Variants in LOC128462377 observed in about 807,000 individuals in gnomAD.
chr16:89,334,144 T>TAAAAAAAAAAAAA, the LOC128462377 span, among the ~76,000 whole-genome samples: 18 of 41,410 alleles, frequency 4.3e-4, 4 homozygotes, highest in African/African-American at 1.6e-3. Context: ...CCCTGTGTTT[T>TAAAAAAAAAAAAA]AAAAAAAAAA....
the LOC128462377 span, among the ~76,000 whole-genome samples, chr16:89,394,729 G>C: frequency 4.6e-5 from 7 of 152,026 alleles, no homozygotes; most frequent in African/African-American, 1.7e-4. Flanking sequence ...TACAGGAGTC[G>C]TGTTTTATGA....
the LOC128462377 span, among the ~76,000 whole-genome samples, chr16:89,395,531 T>C: frequency 6.6e-6 from 1 of 152,204 alleles, no homozygotes; most frequent in Non-Finnish European, 1.5e-5. Flanking sequence ...GAACCGAATC[T>C]TACTTGTCCA....
chr16:89,323,251 A>G, the LOC128462377 span: 7 of 1,247,082 alleles, frequency 5.6e-6, no homozygotes, highest in Non-Finnish European at 7.4e-6. Context: ...AAAAGGAAAA[A>G]GAGCTGCATA....
At chr16:89,345,435 C>CGTCCATTCCTCT in the LOC128462377 span, among the ~76,000 whole-genome samples, 1 of 152,172 alleles carries the variant, frequency 6.6e-6, no homozygotes, top group African/African-American at 2.4e-5. Context: ...GAGGCAGTCC[C>CGTCCATTCCTCT]GTCCATTCCT....
the LOC128462377 span, chr16:89,329,102 C>T: frequency 6.5e-6 from 1 of 153,008 alleles, no homozygotes; most frequent in Admixed American, 6.5e-5. Flanking sequence ...CAAAGCCCAC[C>T]TCTTAGGTCA....
chr16:89,408,310 C>T, the LOC128462377 span, among the ~76,000 whole-genome samples: 1 of 152,378 alleles, frequency 6.6e-6, no homozygotes, highest in East Asian at 1.9e-4. Flanking sequence ...TGGGCTACCA[C>T]AGACATGGTG....
At chr16:89,334,971 T>C in the LOC128462377 span, among the ~76,000 whole-genome samples, 1 of 150,466 alleles carries the variant, frequency 6.6e-6, no homozygotes, top group Non-Finnish European at 1.5e-5. Flanking sequence ...GGAGGGGAGG[T>C]CCAGGAGGAG....
the LOC128462377 span, among the ~76,000 whole-genome samples, chr16:89,368,113 G>A: frequency 1.6e-4 from 24 of 152,122 alleles, no homozygotes; most frequent in African/African-American, 5.5e-4. Flanking sequence ...TGCTCACTAC[G>A]CTACTCATTG....
chr16:89,416,616 A>G, the LOC128462377 span, among the ~76,000 whole-genome samples: 2 of 151,052 alleles, frequency 1.3e-5, no homozygotes, highest in Non-Finnish European at 3.0e-5. Context: ...CTGATTAATA[A>G]TTTTATTTTT....
chr16:89,397,466 C>G, the LOC128462377 span, among the ~76,000 whole-genome samples: 1 of 152,264 alleles, frequency 6.6e-6, no homozygotes. Flanking sequence ...GGGGGACCCA[C>G]AGGAAGCAGG....
chr16:89,362,897 G>A, the LOC128462377 span, among the ~76,000 whole-genome samples: 22 of 152,074 alleles, frequency 1.4e-4, no homozygotes, highest in Admixed American at 5.9e-4. Flanking sequence ...CTAGCCAATC[G>A]GGACAAATAC....
chr16:89,319,154 T>C, the LOC128462377 span, among the ~76,000 whole-genome samples: 4 of 152,210 alleles, frequency 2.6e-5, no homozygotes, highest in Admixed American at 6.6e-5. Context: ...TCCACCGTCC[T>C]GATCCCAGAT....
chr16:89,338,403 T>C, the LOC128462377 span, among the ~76,000 whole-genome samples: 9 of 145,228 alleles, frequency 6.2e-5, no homozygotes, highest in African/African-American at 2.3e-4. Flanking sequence ...GTGGAAATCC[T>C]GTACTTAACA....
At chr16:89,417,019 C>A in the LOC128462377 span, among the ~76,000 whole-genome samples, 1 of 152,156 alleles carries the variant, frequency 6.6e-6, no homozygotes, top group African/African-American at 2.4e-5. Context: ...ACTACCCAGG[C>A]TGGCTTCATT....
At chr16:89,335,348 T>C in the LOC128462377 span, among the ~76,000 whole-genome samples, 1 of 152,092 alleles carries the variant, frequency 6.6e-6, no homozygotes, top group Admixed American at 6.5e-5. Context: ...CAGGAACAAA[T>C]CCACACCGAG....
At chr16:89,346,855 G>A in the LOC128462377 span, among the ~76,000 whole-genome samples, 1 of 152,232 alleles carries the variant, frequency 6.6e-6, no homozygotes, top group South Asian at 2.1e-4. Context: ...AAACATAAAC[G>A]AAACAAAAAG....
At chr16:89,347,055 G>C in the LOC128462377 span, among the ~76,000 whole-genome samples, 6 of 152,144 alleles carry the variant, frequency 3.9e-5, no homozygotes, top group Admixed American at 2.6e-4. Flanking sequence ...TCTGCTGGGC[G>C]AAAGGCCAGC....
chr16:89,389,386 G>A, the LOC128462377 span, among the ~76,000 whole-genome samples: 2 of 151,886 alleles, frequency 1.3e-5, no homozygotes, highest in Admixed American at 6.6e-5. Flanking sequence ...AAAAATTCCT[G>A]GGCATGTAAA....
the LOC128462377 span, among the ~76,000 whole-genome samples, chr16:89,407,079 G>A: frequency 1.3e-5 from 2 of 151,772 alleles, no homozygotes; most frequent in East Asian, 3.9e-4. Flanking sequence ...CCAGGTACTC[G>A]GGAGGCTGAG....
Sources: allele counts gnomAD v4.1 joint callset (sites outside exome capture counted in the v4.1 genomes callset), GRCh38; gene constraint gnomAD v4.1.1; transcripts MANE v1.5.